Variants in RTN4RL1 observed in about 807,000 individuals in gnomAD.
The protein encoded by RTN4RL1 is reticulon-4 receptor-like 1.
RTN4RL1 carries 7 observed loss-of-function variants against 25.6 expected under a neutral mutation model. The ratio of observed to expected loss-of-function variants is 0.27; its 90% CI spans 0.16 to 0.51. RTN4RL1 has a LOEUF of 0.51. Ranked by LOEUF, RTN4RL1 falls within the 20% of genes least tolerant of loss-of-function variation. RTN4RL1 has a pLI of 0.97. For synonymous variants in RTN4RL1, 297 were observed against 288.2 expected, an observed-to-expected ratio of 1.03 and a Z score of -0.31; for missense variants, 500 against 615.6, an observed-to-expected ratio of 0.81 and a Z score of 1.99.
rs910857709 is a variant in RTN4RL1 at position 1,989,630 on chromosome 17, A to G, written c.13+35223T>C. On this transcript the variant is annotated intron_variant, in intron 1 of 1. Transcript: ENST00000331238. ...GCTCTGTCGCCCAGGCTGGAGTGTAATGGCATGATCTCGGTTCACTGCCAC... is the reference window on the plus strand; with the variant it reads ...GCTCTGTCGCCCAGGCTGGAGTGTAGTGGCATGATCTCGGTTCACTGCCAC... Among the ~76,000 whole-genome samples, 8 of 152,060 alleles carry G rather than the reference A, an allele frequency of 5.3e-5. No homozygotes were observed. The East Asian group carries it at 1.5e-3, about 29-fold the overall frequency.
chr17:1,983,752 G>C (rs1361835176), intron 1 of RTN4RL1, among the ~76,000 whole-genome samples: 1 of 151,712 alleles, frequency 6.6e-6, no homozygotes, highest in Non-Finnish European at 1.5e-5. Flanking sequence ...AGTGTGTCCA[G>C]GATGGTCTCG....
At chr17:2,004,053 AGAGTGAG>A (rs2066976661) in intron 1 of RTN4RL1, among the ~76,000 whole-genome samples, 1 of 151,200 alleles carries the variant, frequency 6.6e-6, no homozygotes, top group Non-Finnish European at 1.5e-5. Context: ...CCTGGGCAAC[AGAGTGAG>A]ACCCTGTCTC....
Position 1,935,622 on chromosome 17 carries a change from A to C in RTN4RL1, c.*874T>G. 1 of 982,216 alleles carries C rather than the reference A, an allele frequency of 1.0e-6. No homozygotes were observed. The highest frequency in any genetic ancestry group is 1.2e-6 in the Non-Finnish European group (1 of 827,886). The allele number at this position is 982,216 out of a possible 1,614,324, so 60.8% of individuals were successfully genotyped here. ...GCTAGAAATCACCAATACAATCCTT[A>C]GTTCAGCAAATACAGTTTTCTGTAT... On this transcript the variant is annotated 3_prime_UTR_variant, in exon 2 of 2. Coordinates refer to ENST00000331238, the MANE Select transcript of RTN4RL1 (RefSeq NM_178568.4).
At chr17:1,961,773 C>CAAAAAAAAAAAAAAAA (rs1163170575) in intron 1 of RTN4RL1, among the ~76,000 whole-genome samples, 19 of 55,594 alleles carry the variant, frequency 3.4e-4, no homozygotes, top group African/African-American at 7.5e-4. Context: ...ACTAAAAATA[C>CAAAAAAAAAAAAAAAA]AAAAAAAAAA....
Position 1,938,565 on chromosome 17 carries a change from TG to T in RTN4RL1, c.14-758del, listed in dbSNP as rs1233501536. Among the ~76,000 whole-genome samples, 3 of 152,008 alleles carry T rather than the reference TG, an allele frequency of 2.0e-5. No individual in the cohort carries two copies. The East Asian group carries it at 5.9e-4, about 30-fold the overall frequency. The stretch of plus-strand genomic sequence containing the variant: ...GATCTGCCTTGGCCTCCCAAAGTGC[TG>T]GGATTACAGGTGTGAGCCACCGCGC... On this transcript the variant is annotated intron_variant, in intron 1 of 1. Coordinates refer to ENST00000331238, the MANE Select transcript of RTN4RL1 (RefSeq NM_178568.4).
chr17:1,947,030 AC>A, intron 1 of RTN4RL1, among the ~76,000 whole-genome samples: 1 of 47,512 alleles, frequency 2.1e-5, no homozygotes, highest in Non-Finnish European at 6.0e-5. Context: ...CTGTGTGTGC[AC>A]ATGTGTCTGT....
At chr17:1,988,685 C>G (rs2066897561) in intron 1 of RTN4RL1, among the ~76,000 whole-genome samples, 1 of 152,052 alleles carries the variant, frequency 6.6e-6, no homozygotes, top group Non-Finnish European at 1.5e-5. Context: ...TAAATGGATG[C>G]TGGATGCTGT....
At chr17:1,986,483 TG>T (rs1433670714) in intron 1 of RTN4RL1, among the ~76,000 whole-genome samples, 1 of 152,082 alleles carries the variant, frequency 6.6e-6, no homozygotes, top group Non-Finnish European at 1.5e-5. Flanking sequence ...AAGATCATCC[TG>T]GATTACCCCA....
intron 1 of RTN4RL1, among the ~76,000 whole-genome samples, chr17:2,007,484 T>C (rs2067007293): frequency 1.3e-5 from 2 of 152,262 alleles, no homozygotes; most frequent in South Asian, 4.1e-4. Context: ...CCCAGCCAGC[T>C]CCCTGTGAAG....
chr17:1,979,884 G>T (rs1483729746), intron 1 of RTN4RL1, among the ~76,000 whole-genome samples: 1 of 152,072 alleles, frequency 6.6e-6, no homozygotes, highest in Non-Finnish European at 1.5e-5. Context: ...ACCCGGAATT[G>T]CGTGGAGAAG....
At chr17:1,960,992 C>T (rs535816188) in intron 1 of RTN4RL1, among the ~76,000 whole-genome samples, 1 of 152,308 alleles carries the variant, frequency 6.6e-6, no homozygotes, top group South Asian at 2.1e-4. Context: ...TATTTATTTC[C>T]CTTTCAGCAC....
At chr17:2,018,647 TGACA>T (rs958580203) in intron 1 of RTN4RL1, among the ~76,000 whole-genome samples, 5 of 152,092 alleles carry the variant, frequency 3.3e-5, no homozygotes, top group Admixed American at 2.0e-4. Context: ...ACGGTGGGCT[TGACA>T]GACAGAGCGG....
intron 1 of RTN4RL1, among the ~76,000 whole-genome samples, chr17:1,995,230 G>A (rs1193134324): frequency 6.6e-6 from 1 of 151,924 alleles, no homozygotes; most frequent in Non-Finnish European, 1.5e-5. Context: ...GTTTGAGACC[G>A]GCCTGGCCAA....
intron 1 of RTN4RL1, among the ~76,000 whole-genome samples, chr17:1,964,005 C>T (rs745982585): frequency 4.5e-4 from 69 of 152,136 alleles, no homozygotes; most frequent in Non-Finnish European, 9.0e-4. Flanking sequence ...GGATTACAGG[C>T]GTGAGCCACC....
rs530304868 is a variant in RTN4RL1 at position 1,952,534 on chromosome 17, G to A, written c.14-14726C>T. On this transcript the variant is annotated intron_variant, in intron 1 of 1. Coordinates refer to ENST00000331238, the MANE Select transcript of RTN4RL1 (RefSeq NM_178568.4). ...ATTTTTTCATATTTTTAGTAGAGAC[G>A]GGGTTTCATCATGTTGGTGAGACTG... is the stretch of plus-strand genomic sequence containing the variant. 5.3e-5 allele frequency among the ~76,000 whole-genome samples: 8 copies of A among 151,462 alleles called. No individual in the cohort carries two copies. In the East Asian group the frequency reaches 5.9e-4, roughly 11 times the overall value.
chr17:1,988,600 C>A (rs117489659), intron 1 of RTN4RL1, among the ~76,000 whole-genome samples: 1 of 152,018 alleles, frequency 6.6e-6, no homozygotes, highest in African/African-American at 2.4e-5. Context: ...CTCTCTCCAC[C>A]GCATCCCTAG....
intron 1 of RTN4RL1, among the ~76,000 whole-genome samples, chr17:1,985,987 GC>G (rs2066885669): frequency 6.6e-6 from 1 of 151,944 alleles, no homozygotes; most frequent in African/African-American, 2.4e-5. Context: ...CAGTAGGATG[GC>G]CCCAGCTAAG....
intron 1 of RTN4RL1, among the ~76,000 whole-genome samples, chr17:1,967,276 T>C (rs1448390426): frequency 1.3e-5 from 2 of 152,016 alleles, no homozygotes; most frequent in African/African-American, 2.4e-5. Flanking sequence ...AACAAAACAC[T>C]GTGTGGGCCA....
intron 1 of RTN4RL1, among the ~76,000 whole-genome samples, chr17:1,999,479 T>C (rs200145675): frequency 3.5e-5 from 5 of 144,280 alleles, no homozygotes; most frequent in Non-Finnish European, 3.1e-5. Context: ...CACACACACA[T>C]GAACTGCCCC....
Sources: gnomAD v4.1 joint callset for allele counts (sites outside exome capture counted in the v4.1 genomes callset) on GRCh38, gnomAD v4.1.1 for gene constraint, MANE v1.5 for transcripts, NCBI Gene and HGNC (gene_info 2026-07-23, HGNC 2026-07-21) for gene names.